The following RNLS variants were observed in gnomAD, a reference collection of about 807,000 sequenced individuals.
The protein encoded by RNLS is renalase, FAD dependent amine oxidase, also known as renalase.
RNLS carries 39 observed loss-of-function variants against 39.8 expected under a neutral mutation model. The ratio of observed to expected loss-of-function variants is 0.98; its 90% CI spans 0.76 to 1.28. The LOEUF (loss-of-function observed/expected upper bound fraction) is 1.28, where lower values mean the gene tolerates loss of function less well. RNLS is among the 50% of genes most tolerant of loss of function. The pLI, the probability that RNLS is intolerant of heterozygous loss-of-function variation, is 0.00. For synonymous variants in RNLS, 147 were observed against 150.7 expected, an observed-to-expected ratio of 0.98 and a Z score of 0.18; for missense variants, 410 against 413.3, an observed-to-expected ratio of 0.99 and a Z score of 0.07.
chr10:88,430,765 T>C (rs1028186790), intron 4 of RNLS, among the ~76,000 whole-genome samples: 3 of 151,970 alleles, frequency 2.0e-5, no homozygotes, highest in Admixed American at 2.0e-4. Context: ...CATAGATTTT[T>C]CTAGTTTTTT....
intron 5 of RNLS, among the ~76,000 whole-genome samples, chr10:88,322,516 T>C (rs1327033783): frequency 1.3e-5 from 2 of 152,194 alleles, no homozygotes; most frequent in Non-Finnish European, 2.9e-5. Flanking sequence ...TTTAAAGTGT[T>C]TGACGGTTCC....
intron 1 of RNLS, 92 bp downstream of exon 1, chr10:88,582,981 C>T: frequency 7.0e-7 from 1 of 1,418,854 alleles, no homozygotes; most frequent in East Asian, 2.5e-5. Flanking sequence ...ATAGCGTTTT[C>T]GCCTTAGACT....
intron 6 of RNLS, 22 bp downstream of exon 6, chr10:88,314,444 G>C (rs1589528252): frequency 6.2e-7 from 1 of 1,611,646 alleles, no homozygotes; most frequent in East Asian, 2.2e-5. Flanking sequence ...GTTGTGCTTA[G>C]ACCACTGGAT....
rs71310990 is a variant in RNLS, at chr10:88,371,181, T to TAA, written c.527-8458_527-8457dup. Reference sequence around the variant, plus strand: ...TAATACTGCCTGCCTTAAAGATTGTTAAAAAAAATTAAACAAGATAATAGT... The same window carrying TAA: ...TAATACTGCCTGCCTTAAAGATTGTTAAAAAAAAAATTAAACAAGATAATAGT... On this transcript the variant is annotated intron_variant, in intron 4 of 6. Coordinates refer to ENST00000331772, the MANE Select transcript of RNLS (RefSeq NM_001031709.3). Among the ~76,000 whole-genome samples the TAA allele has an allele frequency of 2.0e-5, 3 of 152,062 alleles. No individual in the cohort carries two copies. The South Asian group carries it at 6.2e-4, about 32-fold the overall frequency.
At chr10:88,211,085 CT>C in the RNLS span, among the ~76,000 whole-genome samples, 1 of 152,292 alleles carries the variant, frequency 6.6e-6, no homozygotes, top group African/African-American at 2.4e-5. Flanking sequence ...TGACTTCCTT[CT>C]TTCTCCAAAT....
intron 4 of RNLS, among the ~76,000 whole-genome samples, chr10:88,568,783 T>C (rs1041177542): frequency 2.6e-5 from 4 of 152,208 alleles, no homozygotes; most frequent in African/African-American, 4.8e-5. Context: ...ATTACTTGTT[T>C]ACAAGGCGAG....
intron 4 of RNLS, among the ~76,000 whole-genome samples, chr10:88,382,733 A>ATGG (rs1564752274): frequency 6.6e-6 from 1 of 152,132 alleles, no homozygotes; most frequent in South Asian, 2.1e-4. Flanking sequence ...CATCTTGATG[A>ATGG]GTTGACAGAT....
chr10:88,493,921 G>A (rs75698820), intron 4 of RNLS, among the ~76,000 whole-genome samples: 4 of 152,124 alleles, frequency 2.6e-5, no homozygotes, highest in Admixed American at 6.6e-5. Flanking sequence ...ACAAAATGGA[G>A]AACACTGGAA....
the RNLS span, among the ~76,000 whole-genome samples, chr10:88,213,876 A>T: frequency 6.6e-6 from 1 of 152,030 alleles, no homozygotes; most frequent in Non-Finnish European, 1.5e-5. Context: ...TTTATTTTTG[A>T]TACTGGATCT....
In RNLS at chr10:88,285,465, CAG is replaced by C. The variant is rs781061495; in HGVS notation, c.916_917del (p.Leu306AlafsTer19). 1.3e-5 allele frequency: 21 copies of C among 1,613,062 alleles called. No homozygotes were observed. The East Asian group carries it at 3.8e-4, about 29-fold the overall frequency. ...AAANCPGQMT[L>X]HHKPFLACGG... Reference sequence around the variant, plus strand: ...CACATGCAAGGAAAGGTTTGTGATGCAGAGTCATTTGGCCAGGACAGTTGGCA... The same window carrying C: ...CACATGCAAGGAAAGGTTTGTGATGCAGTCATTTGGCCAGGACAGTTGGCA... On this transcript the variant is annotated frameshift_variant, in exon 7 of 7. Coordinates refer to ENST00000331772, the MANE Select transcript of RNLS (RefSeq NM_001031709.3). LOFTEE classifies it high-confidence loss of function.
At chr10:88,504,751 C>T (rs1397577985) in intron 4 of RNLS, among the ~76,000 whole-genome samples, 3 of 151,538 alleles carry the variant, frequency 2.0e-5, no homozygotes, top group Non-Finnish European at 4.4e-5. Flanking sequence ...ATCTAATTTT[C>T]TCAGTAGTTT....
At chr10:88,198,470 A>G in the RNLS span, among the ~76,000 whole-genome samples, 1 of 152,200 alleles carries the variant, frequency 6.6e-6, no homozygotes, top group South Asian at 2.1e-4. Flanking sequence ...GTTTCATACG[A>G]TGCATATTTT....
intron 6 of RNLS, among the ~76,000 whole-genome samples, chr10:88,291,838 C>T (rs558166052): frequency 6.6e-6 from 1 of 152,224 alleles, no homozygotes; most frequent in South Asian, 2.1e-4. Flanking sequence ...AACCCAATTA[C>T]AATTCCTTCT....
intron 4 of RNLS, among the ~76,000 whole-genome samples, chr10:88,564,342 CACACAT>C (rs953678720): frequency 6.6e-5 from 10 of 151,298 alleles, no homozygotes; most frequent in African/African-American, 1.2e-4. Context: ...CACACACACA[CACACAT>C]GCACACACAC....
chr10:88,468,015 A>C (rs1479454744), intron 4 of RNLS, among the ~76,000 whole-genome samples: 5 of 152,232 alleles, frequency 3.3e-5, no homozygotes, highest in Non-Finnish European at 1.5e-5. Context: ...ACCCACTGAA[A>C]ATATGATCTG....
intron 4 of RNLS, among the ~76,000 whole-genome samples, chr10:88,408,696 A>AT (rs979219072): frequency 8.5e-5 from 13 of 152,058 alleles, no homozygotes; most frequent in African/African-American, 2.2e-4. Context: ...TTGGCATACT[A>AT]TTTTTTTATA....
chr10:88,557,860 G>A (rs993201463), intron 4 of RNLS, among the ~76,000 whole-genome samples: 8 of 152,104 alleles, frequency 5.3e-5, no homozygotes, highest in South Asian at 2.1e-4. Flanking sequence ...TGATAATGAC[G>A]CAATTCCATA....
chr10:88,546,819 GATA>G, intron 4 of RNLS, among the ~76,000 whole-genome samples: 1 of 151,666 alleles, frequency 6.6e-6, no homozygotes, highest in Non-Finnish European at 1.5e-5. Flanking sequence ...AAAATTTCTG[GATA>G]ATAAGTGTTA....
At chr10:88,281,377 T>C (rs960060000), downstream of RNLS, among the ~76,000 whole-genome samples, 1 of 152,196 alleles carries the variant, frequency 6.6e-6, no homozygotes, top group African/African-American at 2.4e-5. Context: ...GAAACATTTC[T>C]CTTAGGACTC....
Sources: gnomAD v4.1 joint callset for allele counts (sites outside exome capture counted in the v4.1 genomes callset) on GRCh38, gnomAD v4.1.1 for gene constraint, MANE v1.5 for transcripts, NCBI Gene and HGNC (gene_info 2026-07-23, HGNC 2026-07-21) for gene names.